Variants in UPP2 observed in about 807,000 individuals in gnomAD.
The protein encoded by UPP2 is uridine phosphorylase 2.
A neutral mutation model predicts 26.7 loss-of-function variants in UPP2; 23 were observed. The ratio of observed to expected loss-of-function variants is 0.86; its 90% CI spans 0.62 to 1.22. The LOEUF (loss-of-function observed/expected upper bound fraction) is 1.22. Among genes scored for constraint, UPP2 ranks in the 50% most tolerant of loss-of-function variants. The pLI is 0.00. For synonymous variants in UPP2, 127 were observed against 141.3 expected (o/e 0.90, Z 0.72); for missense variants, 387 against 396.7 (o/e 0.98, Z 0.21).
intron 3 of UPP2, among the ~76,000 whole-genome samples, chr2:158,077,316 A>G (rs1682645671): frequency 6.6e-6 from 1 of 152,152 alleles, no homozygotes. Flanking sequence ...TGAAACCACA[A>G]AAGACTCAAA....
chr2:158,031,845 C>G (rs115439509), intron 3 of UPP2, among the ~76,000 whole-genome samples: 3 of 152,070 alleles, frequency 2.0e-5, no homozygotes, highest in African/African-American at 7.2e-5. Context: ...AAAATACTAG[C>G]GTTCTTTCTT....
chr2:158,031,083 A>G (rs918602388), intron 3 of UPP2, among the ~76,000 whole-genome samples: 11 of 152,232 alleles, frequency 7.2e-5, no homozygotes, highest in Admixed American at 5.2e-4. Context: ...AGAAGGCAGC[A>G]AAATATTAAA....
chr2:158,108,887 C>CGTGTGTGTGT (rs748328980), intron 2 of UPP2, among the ~76,000 whole-genome samples: 198 of 133,122 alleles, frequency 1.5e-3, no homozygotes, highest in African/African-American at 2.8e-3. Flanking sequence ...GAGGCAAAAG[C>CGTGTGTGTGT]GTGTGTGTGT....
intron 5 of UPP2, among the ~76,000 whole-genome samples, chr2:158,123,031 A>T (rs1415291005): frequency 6.6e-6 from 1 of 152,250 alleles, no homozygotes; most frequent in Non-Finnish European, 1.5e-5. Flanking sequence ...GAGTGCTATT[A>T]GCCCACTTGC....
intron 3 of UPP2, among the ~76,000 whole-genome samples, chr2:158,028,051 A>G (rs529599122): frequency 6.6e-6 from 1 of 151,806 alleles, no homozygotes; most frequent in East Asian, 1.9e-4. Context: ...GGCTGTTGTG[A>G]AGATCTCTGA....
At chr2:158,027,879 T>A (rs546269365) in intron 3 of UPP2, among the ~76,000 whole-genome samples, 1 of 152,308 alleles carries the variant, frequency 6.6e-6, no homozygotes, top group South Asian at 2.1e-4. Context: ...GGGGCTTGTA[T>A]CCTCTAAAGT....
Position 158,134,439 on chromosome 2 carries a change from A to T in UPP2, c.812-309A>T, listed in dbSNP as rs568169158. On this transcript the variant is annotated intron_variant, in intron 6 of 6. Transcript: ENST00000005756. ...TAGAAAGCAGGAGATGGCATATCTC[A>T]GATTGCAAAGCTTTCTCCTTTATCT... 2.6e-5 allele frequency among the ~76,000 whole-genome samples: 4 copies of T among 152,372 alleles called. No individual in the cohort carries two copies. In the South Asian group the frequency reaches 8.3e-4, roughly 32 times the overall value.
chr2:158,011,236 C>A (rs1294327698), intron 2 of UPP2, among the ~76,000 whole-genome samples: 1 of 152,062 alleles, frequency 6.6e-6, no homozygotes, highest in African/African-American at 2.4e-5. Context: ...CAGAAGAATG[C>A]GAAGGTAATG....
intron 3 of UPP2, chr2:158,065,837 T>A: frequency 1.5e-6 from 1 of 681,716 alleles, no homozygotes; most frequent in East Asian, 2.7e-5. Flanking sequence ...AACCTCATTG[T>A]TGTACTGCTG....
At chr2:158,107,962 T>C (rs1683230842) in intron 2 of UPP2, among the ~76,000 whole-genome samples, 1 of 152,190 alleles carries the variant, frequency 6.6e-6, no homozygotes, top group Admixed American at 6.5e-5. Context: ...TAATACTCAA[T>C]AACCAGATTG....
At chr2:158,068,831 T>G (rs11688272) in intron 3 of UPP2, among the ~76,000 whole-genome samples, 1 of 95,962 alleles carries the variant, frequency 1.0e-5, no homozygotes, top group Non-Finnish European at 2.0e-5. Context: ...TTTTTTTTTT[T>G]TTTTGAGACG....
intron 2 of UPP2, among the ~76,000 whole-genome samples, chr2:158,005,881 G>A (rs1397813286): frequency 3.9e-5 from 6 of 151,988 alleles, no homozygotes; most frequent in African/African-American, 1.4e-4. Context: ...CTAGGCATCC[G>A]CAAGCCTCAG....
At chr2:158,118,765 T>A (rs925386794) in intron 4 of UPP2, among the ~76,000 whole-genome samples, 3 of 151,972 alleles carry the variant, frequency 2.0e-5, no homozygotes, top group African/African-American at 7.2e-5. Context: ...GTGGTAGAAT[T>A]AGACATTTAT....
intron 3 of UPP2, among the ~76,000 whole-genome samples, chr2:158,017,299 C>T (rs1239166257): frequency 6.6e-6 from 1 of 152,074 alleles, no homozygotes; most frequent in Non-Finnish European, 1.5e-5. Flanking sequence ...ATAGTCTCCA[C>T]TTTTATAGCA....
At chr2:158,014,087 T>A (rs772642795) in intron 2 of UPP2, among the ~76,000 whole-genome samples, 3 of 152,200 alleles carry the variant, frequency 2.0e-5, no homozygotes, top group Non-Finnish European at 4.4e-5. Context: ...GATTTCCACT[T>A]AGGAAAATGT....
chr2:158,093,625 T>G (rs1051351435), intron 3 of UPP2, among the ~76,000 whole-genome samples: 1 of 152,084 alleles, frequency 6.6e-6, no homozygotes, highest in Non-Finnish European at 1.5e-5. Flanking sequence ...GCGTTTAATC[T>G]CACTAGTAAT....
At chr2:158,045,867 C>A (rs1684146197) in intron 3 of UPP2, among the ~76,000 whole-genome samples, 1 of 152,092 alleles carries the variant, frequency 6.6e-6, no homozygotes, top group Non-Finnish European at 1.5e-5. Context: ...TACCAGCCGC[C>A]AATTGTAGCT....
At chr2:158,067,977 A>T (rs1682465110) in intron 3 of UPP2, among the ~76,000 whole-genome samples, 1 of 152,172 alleles carries the variant, frequency 6.6e-6, no homozygotes, top group African/African-American at 2.4e-5. Flanking sequence ...AGTATTCTGC[A>T]TTAATAAGGC....
At chr2:157,999,322 G>A (rs1683369965) in intron 2 of UPP2, among the ~76,000 whole-genome samples, 1 of 152,104 alleles carries the variant, frequency 6.6e-6, no homozygotes, top group Non-Finnish European at 1.5e-5. Context: ...GGGATTACAG[G>A]TGCCTGCCAC....
Sources: gnomAD v4.1 joint callset for allele counts (sites outside exome capture counted in the v4.1 genomes callset) on GRCh38, gnomAD v4.1.1 for gene constraint, MANE v1.5 for transcripts, NCBI Gene and HGNC (gene_info 2026-07-23, HGNC 2026-07-21) for gene names.